The following RNF216 variants were observed in gnomAD, a reference collection of about 807,000 sequenced individuals.
RNF216 encodes E3 ubiquitin-protein ligase RNF216.
In RNF216, 72 loss-of-function variants were observed where a neutral mutation model predicts 110.8. That is an observed-to-expected ratio of 0.65 (90% CI 0.54 to 0.79). The LOEUF is 0.79. Ranked by LOEUF, RNF216 falls within the 30% of genes least tolerant of loss-of-function variation. The pLI is 0.00. For missense variants in RNF216, 1,342 were observed against 1,141.2 expected, an observed-to-expected ratio of 1.18 and a Z score of -2.54; for synonymous variants, 495 against 407.5, an observed-to-expected ratio of 1.21 and a Z score of -2.59.
chr7:5,679,009 A>T (rs1790485962), intron 13 of RNF216, among the ~76,000 whole-genome samples: 1 of 152,260 alleles, frequency 6.6e-6, no homozygotes, highest in Non-Finnish European at 1.5e-5. Flanking sequence ...CCACAAGTGT[A>T]GAATATTTTA....
At chr7:5,683,477 T>A (rs895454488) in intron 13 of RNF216, among the ~76,000 whole-genome samples, 21 of 152,086 alleles carry the variant, frequency 1.4e-4, no homozygotes, top group African/African-American at 3.9e-4. Context: ...GGGTCCCGTA[T>A]CACCCCCATC....
At chr7:5,709,190 T>TGC (rs1171571100) in intron 13 of RNF216, among the ~76,000 whole-genome samples, 1 of 152,178 alleles carries the variant, frequency 6.6e-6, no homozygotes, top group Non-Finnish European at 1.5e-5. Flanking sequence ...CCCAACCTGG[T>TGC]GCCCTTTCCT....
intron 1 of RNF216, among the ~76,000 whole-genome samples, chr7:5,777,311 G>T (rs1796838455): frequency 1.3e-5 from 2 of 152,356 alleles, no homozygotes; most frequent in African/African-American, 4.8e-5. Flanking sequence ...GAAGCAGTAA[G>T]TATTAGGGTG....
rs1014872176 is a variant in RNF216, at chr7:5,715,080, G to A, written c.1806C>T (p.Ala602=). 4 of 1,613,608 alleles carry A rather than the reference G, an allele frequency of 2.5e-6. No homozygotes were observed. The highest frequency in any genetic ancestry group is 2.2e-5 in the South Asian group (2 of 91,064). ...LFCKECLIRY[A]QEAVFGSGKL... is the part of the protein sequence containing the mutation. ...TTCCAGATCCAAAGACTGCCTCTTG[G>A]GCATATCTGATGAGACACTCTTTGC... is the stretch of plus-strand genomic sequence containing the variant. Residue 602 remains alanine (A), a synonymous_variant, in exon 11 of 17, where the codon GCC becomes GCT. Transcript: ENST00000389902.
intron 3 of RNF216, among the ~76,000 whole-genome samples, chr7:5,748,320 G>A (rs1250920837): frequency 2.0e-5 from 3 of 152,072 alleles, no homozygotes; most frequent in Non-Finnish European, 4.4e-5. Context: ...TCTACCCCAG[G>A]GAAGCTCTGG....
chr7:5,750,795 C>T (rs1048172220), intron 3 of RNF216, among the ~76,000 whole-genome samples: 2 of 152,190 alleles, frequency 1.3e-5, no homozygotes, highest in Non-Finnish European at 2.9e-5. Flanking sequence ...GGCAGGACAA[C>T]GTTGCAGTGA....
At chr7:5,706,322 G>T (rs1287182151) in intron 13 of RNF216, among the ~76,000 whole-genome samples, 1 of 151,922 alleles carries the variant, frequency 6.6e-6, no homozygotes, top group Non-Finnish European at 1.5e-5. Flanking sequence ...ATGTTGTACA[G>T]CTGATCTCTA....
intron 10 of RNF216, among the ~76,000 whole-genome samples, chr7:5,716,137 C>T (rs1293271892): frequency 6.6e-6 from 1 of 152,178 alleles, no homozygotes; most frequent in Non-Finnish European, 1.5e-5. Context: ...AGCAATCCTC[C>T]CATTTTGGCC....
chr7:5,764,010 C>T (rs1211817947), intron 1 of RNF216, among the ~76,000 whole-genome samples: 5 of 150,094 alleles, frequency 3.3e-5, no homozygotes, highest in African/African-American at 7.4e-5. Context: ...CCAACATGGG[C>T]GAAACCCTGC....
At chr7:5,636,218 C>G (rs1295046850) in intron 15 of RNF216, among the ~76,000 whole-genome samples, 1 of 152,196 alleles carries the variant, frequency 6.6e-6, no homozygotes, top group Non-Finnish European at 1.5e-5. Flanking sequence ...CGTCTGTTCA[C>G]TTATGTGTCA....
intron 5 of RNF216, among the ~76,000 whole-genome samples, chr7:5,736,618 C>T (rs923085309): frequency 3.3e-5 from 5 of 151,796 alleles, no homozygotes; most frequent in East Asian, 1.9e-4. Context: ...GCCCGGCTGC[C>T]CAGTCTGGGA....
chr7:5,764,816 C>T (rs1796117951), intron 1 of RNF216, among the ~76,000 whole-genome samples: 1 of 152,010 alleles, frequency 6.6e-6, no homozygotes, highest in African/African-American at 2.4e-5. Context: ...CCTATAATCC[C>T]ACCACTTTGG....
At chr7:5,753,431 C>G (rs1005881158) in intron 2 of RNF216, among the ~76,000 whole-genome samples, 5 of 152,124 alleles carry the variant, frequency 3.3e-5, no homozygotes, top group African/African-American at 1.2e-4. Flanking sequence ...ATCTTAAACA[C>G]AAACTTTAAG....
At chr7:5,705,143 G>C (rs928147035) in intron 13 of RNF216, among the ~76,000 whole-genome samples, 3 of 152,026 alleles carry the variant, frequency 2.0e-5, no homozygotes, top group African/African-American at 4.8e-5. Context: ...TTCCAGCCTA[G>C]ATCTCTCCCT....
At chr7:5,685,780 A>G (rs561803688) in intron 13 of RNF216, among the ~76,000 whole-genome samples, 37 of 152,346 alleles carry the variant, frequency 2.4e-4, no homozygotes, top group African/African-American at 8.9e-4. Context: ...AAGAGCTTTA[A>G]ATATTCAAAG....
At position 5,741,801 on chromosome 7, in the gene RNF216, C is replaced by T; in HGVS notation, c.216G>A (p.Gln72=). Residue 72 remains glutamine (Q), a synonymous_variant, in exon 4 of 17, where the codon CAG becomes CAA. Coordinates refer to ENST00000389902, the MANE Select transcript of RNF216 (RefSeq NM_207111.4). ...GTTTGATGAGATTGGGTCGTGATCT[C>T]TGAGGTTTATTTGTCTAAGAAAAAA... is the stretch of plus-strand genomic sequence containing the variant. ...DVILTETNKP[Q]RSRPNLIKPA... 2 of 1,601,498 alleles carry T rather than the reference C, an allele frequency of 1.2e-6. No homozygotes were observed. Among genetic ancestry groups the T allele is most frequent in the South Asian group, 1.1e-5 (1 of 88,194 alleles).
chr7:5,699,641 T>C (rs1028947598), intron 13 of RNF216, among the ~76,000 whole-genome samples: 3 of 152,218 alleles, frequency 2.0e-5, no homozygotes, highest in African/African-American at 7.2e-5. Flanking sequence ...CCAGGGGAAT[T>C]GTACAGAAAC....
chr7:5,670,815 T>C (rs1460202141), intron 13 of RNF216, among the ~76,000 whole-genome samples: 1 of 152,236 alleles, frequency 6.6e-6, no homozygotes, highest in Non-Finnish European at 1.5e-5. Context: ...TTATGTGGCC[T>C]ACCCGGGAGG....
intron 5 of RNF216, among the ~76,000 whole-genome samples, chr7:5,735,043 G>C (rs191777196): frequency 6.6e-6 from 1 of 151,754 alleles, no homozygotes; most frequent in Non-Finnish European, 1.5e-5. Flanking sequence ...CTACTCAGGA[G>C]GCTGAGGCAG....
Sources: gnomAD v4.1 joint callset for allele counts (sites outside exome capture counted in the v4.1 genomes callset) on GRCh38, gnomAD v4.1.1 for gene constraint, MANE v1.5 for transcripts, NCBI Gene and HGNC (gene_info 2026-07-23, HGNC 2026-07-21) for gene names.